RCAN2: variants seen among roughly 807,000 people sequenced by gnomAD.
RCAN2 encodes the protein calcipressin-2.
A neutral mutation model predicts 23.6 loss-of-function variants in RCAN2; 9 were observed. The ratio of observed to expected loss-of-function variants is 0.38; its 90% CI spans 0.23 to 0.67. The LOEUF is 0.67. Ranked by LOEUF, RCAN2 falls within the 30% of genes least tolerant of loss-of-function variation. The pLI is 0.51. For synonymous variants in RCAN2, 109 were observed against 115.7 expected (o/e 0.94, Z 0.37); for missense variants, 273 against 302.3 (o/e 0.90, Z 0.72).
chr6:46,301,279 G>A (rs1187350508), intron 2 of RCAN2, among the ~76,000 whole-genome samples: 1 of 152,062 alleles, frequency 6.6e-6, no homozygotes, highest in Non-Finnish European at 1.5e-5. Context: ...CCTTCCCAGT[G>A]TCTGCATCTG....
chr6:46,256,308 T>C (rs1390981869), intron 2 of RCAN2, among the ~76,000 whole-genome samples: 1 of 152,026 alleles, frequency 6.6e-6, no homozygotes, highest in Non-Finnish European at 1.5e-5. Flanking sequence ...AGGTAGAGGT[T>C]GCAGTGAGCC....
At chr6:46,314,841 G>C (rs1056942549) in intron 2 of RCAN2, among the ~76,000 whole-genome samples, 1 of 152,128 alleles carries the variant, frequency 6.6e-6, no homozygotes, top group Non-Finnish European at 1.5e-5. Context: ...CAGGCAGATC[G>C]CTTGAGCTCA....
At chr6:46,282,138 C>T (rs965252575) in intron 2 of RCAN2, among the ~76,000 whole-genome samples, 1 of 152,164 alleles carries the variant, frequency 6.6e-6, no homozygotes, top group African/African-American at 2.4e-5. Flanking sequence ...TATTTTAGAA[C>T]AACTACTTCG....
intron 2 of RCAN2, among the ~76,000 whole-genome samples, chr6:46,287,681 C>G (rs1036804761): frequency 8.5e-5 from 13 of 152,206 alleles, no homozygotes; most frequent in Admixed American, 8.5e-4. Flanking sequence ...AATAGGCTTT[C>G]ATTGTCATAG....
chr6:46,350,662 G>T (rs1287397666), intron 2 of RCAN2, among the ~76,000 whole-genome samples: 1 of 152,212 alleles, frequency 6.6e-6, no homozygotes, highest in African/African-American at 2.4e-5. Context: ...ATATACAGGA[G>T]TCACTGCTGC....
chr6:46,399,942 A>G (rs1766202804), intron 2 of RCAN2, among the ~76,000 whole-genome samples: 1 of 152,192 alleles, frequency 6.6e-6, no homozygotes, highest in Non-Finnish European at 1.5e-5. Flanking sequence ...ACTAAGCTGT[A>G]AAGTGAACTT....
rs201118280 is a variant in RCAN2, at chr6:46,474,351, G to C, written c.-3+16822C>G. Among the ~76,000 whole-genome samples the C allele has an allele frequency of 5.3e-5, 8 of 150,242 alleles. No homozygotes were observed. The East Asian group carries it at 1.5e-3, about 29-fold the overall frequency. ...TGACACATGAGGCGGTGGGGAGGCA[G>C]GGGGAAGCCATATTGTCATGTACCT... On this transcript the variant is annotated intron_variant, in intron 1 of 4. Coordinates refer to ENST00000371374, the MANE Select transcript of RCAN2 (RefSeq NM_001251974.2).
At chr6:46,309,074 T>C (rs1043790884) in intron 2 of RCAN2, among the ~76,000 whole-genome samples, 2 of 152,076 alleles carry the variant, frequency 1.3e-5, no homozygotes, top group South Asian at 2.1e-4. Context: ...AACTAATCAA[T>C]AGAAAAGAGA....
intron 2 of RCAN2, among the ~76,000 whole-genome samples, chr6:46,253,807 C>G (rs1766815334): frequency 6.6e-6 from 1 of 152,002 alleles, no homozygotes; most frequent in African/African-American, 2.4e-5. Context: ...TTTACCATAC[C>G]TTTTCTATGA....
chr6:46,330,718 G>T (rs945644794), intron 2 of RCAN2, among the ~76,000 whole-genome samples: 1 of 151,966 alleles, frequency 6.6e-6, no homozygotes, highest in Admixed American at 6.6e-5. Flanking sequence ...TGTCTCTCAT[G>T]TTTCTTTTAA....
intron 2 of RCAN2, among the ~76,000 whole-genome samples, chr6:46,385,395 G>C (rs900747059): frequency 3.3e-5 from 5 of 152,192 alleles, no homozygotes; most frequent in Admixed American, 2.6e-4. Flanking sequence ...AGAAGGGGCA[G>C]AGCATGATTA....
At chr6:46,362,711 G>A (rs1000058360) in intron 2 of RCAN2, among the ~76,000 whole-genome samples, 2 of 152,202 alleles carry the variant, frequency 1.3e-5, no homozygotes, top group African/African-American at 4.8e-5. Flanking sequence ...GGACCCAGCC[G>A]ATATTTTCTT....
In RCAN2 at chr6:46,394,979, C is replaced by T. The variant is rs376353058; in HGVS notation, c.225+61773G>A. ...ACCCATGAATCCCCTGAAATCACTA[C>T]AAGATTTTCAGCATTAGCAACTAGA... On this transcript the variant is annotated intron_variant, in intron 2 of 4. Coordinates refer to ENST00000371374, the MANE Select transcript of RCAN2 (RefSeq NM_001251974.2). Among the ~76,000 whole-genome samples, 7 of 152,228 alleles carry T rather than the reference C, an allele frequency of 4.6e-5. No homozygotes were observed. The East Asian group carries it at 9.7e-4, about 21-fold the overall frequency.
intron 4 of RCAN2, 65 bp from the exon 5 acceptor site, chr6:46,223,366 G>T: frequency 3.4e-6 from 5 of 1,470,502 alleles, no homozygotes; most frequent in Non-Finnish European, 4.7e-6. Context: ...CTGGAGCAGG[G>T]TCTGCTTAGG....
At chr6:46,265,578 G>A (rs980316395) in intron 2 of RCAN2, among the ~76,000 whole-genome samples, 8 of 152,266 alleles carry the variant, frequency 5.3e-5, no homozygotes, top group African/African-American at 1.9e-4. Flanking sequence ...CACTGGTTAT[G>A]TAGTCACCAA....
At chr6:46,473,656 C>T (rs1768631003) in intron 1 of RCAN2, among the ~76,000 whole-genome samples, 1 of 152,038 alleles carries the variant, frequency 6.6e-6, no homozygotes, top group Non-Finnish European at 1.5e-5. Context: ...ATGCATTATC[C>T]AAAACTAACT....
intron 1 of RCAN2, among the ~76,000 whole-genome samples, chr6:46,467,071 G>A (rs2150438896): frequency 6.6e-6 from 1 of 152,136 alleles, no homozygotes; most frequent in South Asian, 2.1e-4. Context: ...CTATTGTCTT[G>A]CGCTTGCACC....
chr6:46,460,586 C>CA (rs1334332021), intron 1 of RCAN2, among the ~76,000 whole-genome samples: 2 of 109,296 alleles, frequency 1.8e-5, no homozygotes, highest in Non-Finnish European at 4.1e-5. Flanking sequence ...GCTCCCTGAG[C>CA]ACCTGCACAG....
At chr6:46,266,637 T>G (rs1026031431) in intron 2 of RCAN2, among the ~76,000 whole-genome samples, 4 of 152,218 alleles carry the variant, frequency 2.6e-5, no homozygotes, top group Non-Finnish European at 5.9e-5. Context: ...TCCATGAGAA[T>G]GAGACCATCC....
Sources: allele counts gnomAD v4.1 joint callset (sites outside exome capture counted in the v4.1 genomes callset), GRCh38; gene constraint gnomAD v4.1.1; transcripts MANE v1.5; gene names NCBI Gene and HGNC (gene_info 2026-07-23, HGNC 2026-07-21).